The following ATG16L2 variants were observed in gnomAD, a reference collection of about 807,000 sequenced individuals.
ATG16L2 encodes the protein autophagy related 16 like 2.
A neutral mutation model predicts 84.7 loss-of-function variants in ATG16L2; 77 were observed. The ratio of observed to expected loss-of-function variants is 0.91; its 90% CI spans 0.76 to 1.10. The LOEUF (loss-of-function observed/expected upper bound fraction) is 1.10, where lower values mean the gene tolerates loss of function less well. ATG16L2 is among the 50% of genes least tolerant of loss of function. The pLI is 0.00. For synonymous variants in ATG16L2, 361 were observed against 342.8 expected, an observed-to-expected ratio of 1.05 and a Z score of -0.59; for missense variants, 782 against 817.6, an observed-to-expected ratio of 0.96 and a Z score of 0.53.
chr11:72,815,943 G>A (rs189577095), intron 1 of ATG16L2: 1 of 152,172 alleles, frequency 6.6e-6, no homozygotes, highest in Non-Finnish European at 1.5e-5. Context: ...TGGCCTGGGG[G>A]TACCTTACAC....
intron 14 of ATG16L2, 36 bp from the exon 15 acceptor site, chr11:72,828,323 C>T (rs961763080): frequency 1.2e-5 from 20 of 1,612,532 alleles, no homozygotes; most frequent in Non-Finnish European, 1.6e-5. Context: ...CCTGGCTAGG[C>T]TGTTCCTCAT....
intron 3 of ATG16L2, 106 bp from the exon 4 acceptor site, chr11:72,821,562 A>AG: frequency 6.7e-7 from 1 of 1,485,948 alleles, no homozygotes; most frequent in African/African-American, 1.4e-5. Context: ...CTTTTCAGGA[A>AG]GGGGGCGGGC....
chr11:72,820,731 C>T (rs1188901392), intron 3 of ATG16L2, among the ~76,000 whole-genome samples: 2 of 152,118 alleles, frequency 1.3e-5, no homozygotes, highest in Non-Finnish European at 2.9e-5. Flanking sequence ...GCAACAAGAG[C>T]CCCCAGCCTT....
chr11:72,821,599 C>T lies in ATG16L2; in HGVS notation c.319-69C>T, dbSNP rs1201390796. 4 of 1,506,536 alleles carry T rather than the reference C, an allele frequency of 2.7e-6. No individual in the cohort carries two copies. The African/African-American group carries it at 4.2e-5, about 16-fold the overall frequency. The allele number at this position is 1,506,536 out of a possible 1,614,324, so 93.3% of individuals were successfully genotyped here. A position where few individuals can be genotyped will look rare whatever the true frequency, so the allele number is the denominator to read the frequency against. On this transcript the variant is annotated intron_variant, in intron 3 of 17. Transcript: ENST00000321297. Reference sequence around the variant, plus strand: ...GGTGAGCAGCCGACTCCCTTAGCGCCTTCGGCCCCGGAGGGACTGGAGGCC... The same window carrying T: ...GGTGAGCAGCCGACTCCCTTAGCGCTTTCGGCCCCGGAGGGACTGGAGGCC...
In ATG16L2 at chr11:72,822,207, G is replaced by A. The variant is rs1860039900; in HGVS notation, c.556G>A (p.Glu186Lys). The A allele has an allele frequency of 3.3e-6, 5 of 1,505,722 alleles. No individual in the cohort carries two copies. The highest frequency in any genetic ancestry group is 4.4e-6 in the Non-Finnish European group (5 of 1,136,806). The allele number at this position is 1,505,722 out of a possible 1,614,324, so 93.3% of individuals were successfully genotyped here. A position where few individuals can be genotyped will look rare whatever the true frequency, so the allele number is the denominator to read the frequency against. The part of the protein sequence containing the change: ...LREAALRRLQ[E>K]EARDLLERLV... ...GGAGGCGGCACTGCGCAGGCTCCAG[G>A]AAGAGGCGCGCGACCTGCTGGAGAG... is the stretch of plus-strand genomic sequence containing the variant. Residue 186 changes from glutamate to lysine, a missense_variant, in exon 5 of 18, where the codon GAA becomes AAA. Transcript: ENST00000321297. The surrounding 1 kb of genome is among the most constrained non-coding windows in gnomAD (Gnocchi z 4.2).
intron 5 of ATG16L2, chr11:72,841,728 C>T (rs768171858): frequency 5.1e-6 from 4 of 780,460 alleles, no homozygotes; most frequent in Non-Finnish European, 5.9e-6. Context: ...GGCAACTGAG[C>T]ATTAAATAAC....
At chr11:72,842,935 T>A (rs1861006722) in exon 6 of ATG16L2, 2 of 1,003,326 alleles carry the variant, frequency 2.0e-6, no homozygotes, top group South Asian at 3.1e-5. Context: ...TAAAAGAGCA[T>A]CATACAGAAT....
Position 72,828,919 on chromosome 11 carries a change from T to TGGG in ATG16L2, c.1709_1711dup (p.Gly570dup), listed in dbSNP as rs1271927384. 6.2e-7 allele frequency: 1 copy of TGGG among 1,614,206 alleles called. No homozygotes were observed. The highest frequency in any genetic ancestry group is 8.5e-7 in the Non-Finnish European group (1 of 1,180,030). ...GCTATGCACTGGCAGGCTCCTGTGA[T>TGGG]GGGGCCCTTTACATCTGGGATGTGG... On this transcript the variant is annotated inframe_insertion, in exon 17 of 18. Transcript: ENST00000321297.
chr11:72,829,041 C>T (rs910900429), intron 17 of ATG16L2, 57 bp downstream of exon 17: 1 of 1,550,348 alleles, frequency 6.5e-7, no homozygotes, highest in Admixed American at 1.7e-5. Context: ...AGGCTGATTC[C>T]AGGTTCTGAC....
chr11:72,826,938 G>A (rs1860398685), intron 13 of ATG16L2, 115 bp downstream of exon 13: 16 of 1,272,384 alleles, frequency 1.3e-5, no homozygotes, highest in Non-Finnish European at 1.6e-5. Context: ...AGGCATTTGG[G>A]GGTGAAACCT....
At position 72,826,782 on chromosome 11, in the gene ATG16L2, G is replaced by A. The variant is rs1038381116; in HGVS notation, c.1325G>A (p.Arg442His). The A allele has an allele frequency of 9.9e-6, 16 of 1,613,930 alleles. No individual in the cohort carries two copies. The highest frequency in any genetic ancestry group is 1.4e-5 in the Non-Finnish European group (16 of 1,180,008). Residue 442 changes from arginine to histidine, a missense_variant, in exon 13 of 18, where the codon CGC becomes CAC. Physicochemically the swap from Arg to His is conservative, Grantham distance 29. Transcript: ENST00000321297. ...AGGCACCAGGCAGTGACTGGGAGCC[G>A]CGACCGGACAGTGAAGGAGTGGGAC... Reference protein sequence around the residue: ...LTRHQAVTGSRDRTVKEWDLG... With the variant: ...LTRHQAVTGSHDRTVKEWDLG...
In ATG16L2 at chr11:72,822,213, G is replaced by A. The variant is rs1459064585; in HGVS notation, c.562G>A (p.Ala188Thr). Reference protein sequence around the residue: ...EAALRRLQEEARDLLERLVQR... With the variant: ...EAALRRLQEETRDLLERLVQR... ...GGCACTGCGCAGGCTCCAGGAAGAG[G>A]CGCGCGACCTGCTGGAGAGGCTCGT... Residue 188 changes from alanine to threonine, a missense_variant, in exon 5 of 18, where the codon GCG (alanine) becomes ACG (threonine). Transcript: ENST00000321297. The surrounding 1 kb of genome is among the most constrained non-coding windows in gnomAD (Gnocchi z 4.2). The A allele has an allele frequency of 3.3e-6, 5 of 1,505,472 alleles. No homozygotes were observed. The allele number at this position is 1,505,472 out of a possible 1,614,324, so 93.3% of individuals were successfully genotyped here.
At chr11:72,816,674 G>A in intron 1 of ATG16L2, 54 bp from the exon 2 acceptor site, 1 of 1,424,842 alleles carries the variant, frequency 7.0e-7, no homozygotes, top group Non-Finnish European at 9.9e-7. Context: ...TTGCATGCCA[G>A]GGGGCTGCTG....
At chr11:72,838,478 T>C (rs1024827400) in intron 5 of ATG16L2, 10 of 403,528 alleles carry the variant, frequency 2.5e-5, no homozygotes, top group African/African-American at 2.0e-4. Context: ...TGCCCTGGAA[T>C]GAGGCCTGTT....
intron 8 of ATG16L2, 139 bp from the exon 9 acceptor site, chr11:72,824,595 T>A (rs745817335): frequency 2.2e-4 from 153 of 690,094 alleles, no homozygotes; most frequent in Non-Finnish European, 3.7e-4. Flanking sequence ...GGTTGGGGAA[T>A]GCTCTCGCTG....
chr11:72,817,583 T>C (rs945220405), intron 2 of ATG16L2, among the ~76,000 whole-genome samples, 173 bp from the exon 3 acceptor site: 7 of 152,254 alleles, frequency 4.6e-5, no homozygotes, highest in African/African-American at 1.4e-4. Context: ...AGAGGAGTCA[T>C]GGACAGCTCA....
intron 5 of ATG16L2, chr11:72,837,596 C>G (rs1860770019): frequency 6.6e-6 from 1 of 152,232 alleles, no homozygotes; most frequent in African/African-American, 2.4e-5. Context: ...TGCAGGCTTG[C>G]TGGCCTGCAG....
chr11:72,826,493 CT>C (rs1413847524), intron 11 of ATG16L2, 24 bp from the exon 12 acceptor site: 1 of 1,613,504 alleles, frequency 6.2e-7, no homozygotes, highest in African/African-American at 1.3e-5. Flanking sequence ...CTTAGCACCT[CT>C]CACTTCCTCT....
rs1392183944 is a variant in ATG16L2, at chr11:72,821,665, C to T, written c.319-3C>T. 1.3e-6 allele frequency: 2 copies of T among 1,535,106 alleles called. No homozygotes were observed. The highest frequency in any genetic ancestry group is 2.4e-5 in the East Asian group (1 of 40,850). ...GCCGCCGTGCCCACCTGTCCGCCCCCAGATGGCCTACCAGGTGGTGGAGAA... is the reference window on the plus strand; with the variant it reads ...GCCGCCGTGCCCACCTGTCCGCCCCTAGATGGCCTACCAGGTGGTGGAGAA... On this transcript the variant is annotated splice_region_variant and splice_polypyrimidine_tract_variant and intron_variant, in intron 3 of 17. Coordinates refer to ENST00000321297, the MANE Select transcript of ATG16L2 (RefSeq NM_033388.2).
Sources: gnomAD v4.1 joint callset for allele counts (sites outside exome capture counted in the v4.1 genomes callset) on GRCh38, gnomAD v4.1.1 for gene constraint, Gnocchi (gnomAD v3.1) non-coding constraint, MANE v1.5 for transcripts, NCBI Gene and HGNC (gene_info 2026-07-23, HGNC 2026-07-21) for gene names.